Variants in EPM2A observed in about 807,000 individuals in gnomAD.
EPM2A encodes the protein laforin.
Under a neutral mutation model 26.5 loss-of-function variants are expected in EPM2A, and 21 were observed. The ratio of observed to expected loss-of-function variants is 0.79; its 90% CI spans 0.56 to 1.14. The LOEUF (loss-of-function observed/expected upper bound fraction) is 1.14, where lower values mean the gene tolerates loss of function less well. EPM2A is among the 50% of genes most tolerant of loss of function. EPM2A has a pLI of 0.00. For missense variants in EPM2A, 458 were observed against 440.8 expected, an observed-to-expected ratio of 1.04 and a Z score of -0.35; for synonymous variants, 217 against 177.6, an observed-to-expected ratio of 1.22 and a Z score of -1.76.
intron 4 of EPM2A, chr6:145,489,688 T>C: frequency 7.2e-7 from 1 of 1,389,456 alleles, no homozygotes; most frequent in African/African-American, 1.4e-5. Flanking sequence ...AGCTTCAGAA[T>C]CCACTGTTGG....
chr6:145,450,350 C>CAAAAAAAAAA, intron 4 of EPM2A, among the ~76,000 whole-genome samples: 1 of 62,494 alleles, frequency 1.6e-5, no homozygotes, highest in Non-Finnish European at 3.0e-5. Flanking sequence ...GACTCCGTCT[C>CAAAAAAAAAA]AAAAAAAAAA....
intron 4 of EPM2A, among the ~76,000 whole-genome samples, chr6:145,471,028 G>C (rs996474857): frequency 1.3e-5 from 2 of 152,114 alleles, no homozygotes; most frequent in Admixed American, 6.6e-5. Flanking sequence ...GAAGTAGCAG[G>C]CTAGCTGATA....
At chr6:145,489,987 C>T (rs1582794699) in intron 4 of EPM2A, 3 of 1,383,524 alleles carry the variant, frequency 2.2e-6, no homozygotes, top group South Asian at 2.6e-5. Context: ...ACCTGGCTGT[C>T]CTGGAGCAGA....
At chr6:145,464,846 T>C (rs1779367438) in intron 4 of EPM2A, among the ~76,000 whole-genome samples, 3 of 152,190 alleles carry the variant, frequency 2.0e-5, no homozygotes, top group Non-Finnish European at 4.4e-5. Context: ...ATAAATCTGC[T>C]GTAAGTCTGA....
intron 2 of EPM2A, among the ~76,000 whole-genome samples, chr6:145,655,187 A>G (rs1304383175): frequency 1.5e-4 from 3 of 19,532 alleles, no homozygotes; most frequent in African/African-American, 6.5e-4. Context: ...TTTTGCTGTG[A>G]AAAAAAAAAA....
intron 2 of EPM2A, among the ~76,000 whole-genome samples, chr6:145,661,782 G>A (rs1160571225): frequency 1.3e-5 from 2 of 151,976 alleles, no homozygotes; most frequent in African/African-American, 4.8e-5. Context: ...TTAAAGAATG[G>A]CTCTTGAAAC....
At chr6:145,434,553 C>G (rs187549016) in intron 4 of EPM2A, among the ~76,000 whole-genome samples, 1 of 152,102 alleles carries the variant, frequency 6.6e-6, no homozygotes, top group African/African-American at 2.4e-5. Context: ...ATCCAATTCT[C>G]TAGTCAAATC....
intron 2 of EPM2A, among the ~76,000 whole-genome samples, chr6:145,512,642 C>A (rs1780070195): frequency 7.4e-6 from 1 of 134,462 alleles, no homozygotes; most frequent in Non-Finnish European, 1.5e-5. Context: ...ACCCAGGAGG[C>A]AGAGGTTGCA....
intron 2 of EPM2A, among the ~76,000 whole-genome samples, chr6:145,557,147 T>C (rs1348235023): frequency 1.3e-5 from 2 of 152,192 alleles, no homozygotes; most frequent in African/African-American, 4.8e-5. Context: ...TTTTATTCAG[T>C]ATTTCAATTC....
intron 1 of EPM2A, among the ~76,000 whole-genome samples, chr6:145,730,997 C>A (rs1451316120): frequency 6.6e-6 from 1 of 152,050 alleles, no homozygotes; most frequent in African/African-American, 2.4e-5. Flanking sequence ...GGAAAGGACC[C>A]TAGTGTGGGT....
intron 4 of EPM2A, among the ~76,000 whole-genome samples, chr6:145,455,160 A>G (rs1163569119): frequency 6.6e-6 from 1 of 152,106 alleles, no homozygotes; most frequent in Non-Finnish European, 1.5e-5. Flanking sequence ...GTGGTAACAA[A>G]TGGAATTTGG....
downstream of EPM2A, among the ~76,000 whole-genome samples, chr6:145,620,491 C>T (rs754710708): frequency 1.9e-4 from 29 of 152,144 alleles, no homozygotes; most frequent in Non-Finnish European, 3.8e-4. Context: ...TTATTTCCAT[C>T]TTTAGATTAG....
chr6:145,537,620 A>AC (rs1232385638), intron 2 of EPM2A, among the ~76,000 whole-genome samples: 1 of 148,244 alleles, frequency 6.7e-6, no homozygotes, highest in East Asian at 2.0e-4. Flanking sequence ...GTTCCAGGAT[A>AC]CATGTGTAGA....
intron 4 of EPM2A, among the ~76,000 whole-genome samples, chr6:145,393,219 T>C (rs1778360854): frequency 6.6e-6 from 1 of 152,106 alleles, no homozygotes; most frequent in Admixed American, 6.6e-5. Context: ...AAAGGAAAGA[T>C]ACTCGAGTAG....
At chr6:145,490,021 C>A in intron 4 of EPM2A, 1 of 1,346,214 alleles carries the variant, frequency 7.4e-7, no homozygotes, top group South Asian at 1.4e-5. Context: ...GTTCCACAGT[C>A]ACTTGTGCTG....
intron 2 of EPM2A, among the ~76,000 whole-genome samples, chr6:145,616,647 C>G (rs555973478): frequency 2.6e-5 from 4 of 152,354 alleles, no homozygotes; most frequent in Middle Eastern, 3.4e-3. Context: ...GGGGCTATAC[C>G]CTGCAAAGCC....
chr6:145,505,247 A>T lies in EPM2A; in HGVS notation c.341-2672T>A, dbSNP rs539252300. ...GTACCCTAAAACTTAAAGTATAATT[A>T]AAAAAAAAAATTTATTTTGAAATAA... On this transcript the variant is annotated intron_variant, in intron 2 of 3. Transcript: ENST00000450221. 6.4e-3 allele frequency among the ~76,000 whole-genome samples: 328 copies of T among 51,416 alleles called. 2 individuals carry two copies. The highest frequency in any genetic ancestry group is 0.027 in the African/African-American group (308 of 11,570). The allele number at this position is 51,416 out of a possible 152,430, so 33.7% of individuals were successfully genotyped here.
intron 2 of EPM2A, among the ~76,000 whole-genome samples, chr6:145,537,511 T>C (rs1302168079): frequency 6.6e-6 from 1 of 152,066 alleles, no homozygotes; most frequent in African/African-American, 2.4e-5. Flanking sequence ...TGTTATATAC[T>C]TCTTGGTTAT....
chr6:145,724,681 G>C (rs1776106167), intron 1 of EPM2A, among the ~76,000 whole-genome samples: 2 of 152,004 alleles, frequency 1.3e-5, no homozygotes, highest in African/African-American at 4.8e-5. Context: ...ACTGAATAGA[G>C]AGCACAGAAA....
Sources: allele counts gnomAD v4.1 joint callset (sites outside exome capture counted in the v4.1 genomes callset), GRCh38; gene constraint gnomAD v4.1.1; transcripts MANE v1.5; gene names NCBI Gene and HGNC (gene_info 2026-07-23, HGNC 2026-07-21).